The following IQCM variants were observed in gnomAD, a reference collection of about 807,000 sequenced individuals.
IQCM encodes the protein IQ domain-containing protein M.
IQCM carries 45 observed loss-of-function variants against 57.6 expected under a neutral mutation model. The observed-to-expected ratio is 0.78, with a 90% CI of 0.62 to 1.00. The LOEUF is 1.00. Ranked by LOEUF, IQCM falls within the 50% of genes least tolerant of loss-of-function variation. The pLI is 0.00. For synonymous variants in IQCM, 148 were observed against 158.9 expected, an observed-to-expected ratio of 0.93 and a Z score of 0.51; for missense variants, 468 against 511.6, an observed-to-expected ratio of 0.91 and a Z score of 0.82.
chr4:149,531,338 A>G (rs865795804), intron 12 of IQCM, among the ~76,000 whole-genome samples: 7 of 152,164 alleles, frequency 4.6e-5, no homozygotes, highest in Admixed American at 6.5e-5. Context: ...GTAACAAGAT[A>G]AACATTTGAG....
chr4:149,583,844 A>T (rs1752426179), intron 9 of IQCM, among the ~76,000 whole-genome samples: 1 of 151,544 alleles, frequency 6.6e-6, no homozygotes, highest in Non-Finnish European at 1.5e-5. Flanking sequence ...CCCTTTAGCT[A>T]ATAATATAAA....
intron 7 of IQCM, among the ~76,000 whole-genome samples, chr4:149,669,773 G>A (rs142708732): frequency 0.21 from 31,312 of 152,114 alleles, 4,046 homozygotes; most frequent in Non-Finnish European, 0.28. Flanking sequence ...GTTTGTCAAA[G>A]ATCAGACGGT....
At chr4:149,531,095 T>G (rs1579385890) in intron 12 of IQCM, among the ~76,000 whole-genome samples, 1 of 152,074 alleles carries the variant, frequency 6.6e-6, no homozygotes, top group African/African-American at 2.4e-5. Flanking sequence ...TGTGAAAAAG[T>G]TTTACTCAGG....
chr4:149,472,076 T>C (rs1258168483), intron 12 of IQCM, among the ~76,000 whole-genome samples: 1 of 152,150 alleles, frequency 6.6e-6, no homozygotes. Flanking sequence ...AGGGATGCCC[T>C]CTCTCACCAC....
At chr4:149,385,481 A>G (rs931642156) in intron 13 of IQCM, among the ~76,000 whole-genome samples, 2 of 152,080 alleles carry the variant, frequency 1.3e-5, no homozygotes, top group Admixed American at 1.3e-4. Context: ...GTGATAAGTA[A>G]GTTATGCCAC....
chr4:149,389,867 GA>G (rs751855477), intron 13 of IQCM, among the ~76,000 whole-genome samples: 20 of 150,610 alleles, frequency 1.3e-4, no homozygotes, highest in Admixed American at 4.6e-4. Flanking sequence ...AATAATAAAT[GA>G]AAAAAAAAGT....
Position 149,539,128 on chromosome 4 carries a change from C to A in IQCM, c.1228+9327G>T, listed in dbSNP as rs1465933924. 6.6e-5 allele frequency among the ~76,000 whole-genome samples: 10 copies of A among 151,942 alleles called. No homozygotes were observed. In the South Asian group the frequency reaches 2.1e-3, roughly 32 times the overall value. ...ATGAGATCTTCATAGTAACATTATT[C>A]ATAACAAAAAGGTGGAAACAACCCA... On this transcript the variant is annotated intron_variant, in intron 12 of 13. Coordinates refer to ENST00000636793, the MANE Select transcript of IQCM (RefSeq NM_001363507.2).
intron 5 of IQCM, among the ~76,000 whole-genome samples, chr4:149,697,022 C>T (rs552955469): frequency 6.6e-6 from 1 of 152,246 alleles, no homozygotes; most frequent in Non-Finnish European, 1.5e-5. Context: ...CTGGTCCATC[C>T]TAGAGAATAG....
chr4:149,450,107 G>GAA (rs905513560), intron 12 of IQCM, among the ~76,000 whole-genome samples: 1 of 151,786 alleles, frequency 6.6e-6, no homozygotes, highest in African/African-American at 2.4e-5. Context: ...ATATACTGGG[G>GAA]AAAAGACAAT....
intron 6 of IQCM, among the ~76,000 whole-genome samples, chr4:149,684,522 A>C (rs1264291492): frequency 6.6e-6 from 1 of 151,332 alleles, no homozygotes; most frequent in Non-Finnish European, 1.5e-5. Flanking sequence ...GAGTTTCATA[A>C]AGAGTTGGGT....
At chr4:149,684,261 T>G (rs1762398773) in intron 6 of IQCM, among the ~76,000 whole-genome samples, 1 of 151,258 alleles carries the variant, frequency 6.6e-6, no homozygotes, top group Non-Finnish European at 1.5e-5. Flanking sequence ...TTCAATTGTG[T>G]TTTCCCACCA....
intron 2 of IQCM, among the ~76,000 whole-genome samples, chr4:149,776,216 C>T (rs903500079): frequency 6.6e-6 from 1 of 152,056 alleles, no homozygotes; most frequent in Non-Finnish European, 1.5e-5. Context: ...AAAATTGGAA[C>T]ATATAATCAC....
intron 12 of IQCM, among the ~76,000 whole-genome samples, chr4:149,476,336 C>T (rs957912553): frequency 3.9e-5 from 6 of 152,154 alleles, no homozygotes; most frequent in Non-Finnish European, 5.9e-5. Flanking sequence ...AGTTTCCTTA[C>T]TTAAGTTTCC....
At chr4:149,391,110 T>C (rs964732334) in intron 13 of IQCM, among the ~76,000 whole-genome samples, 11 of 151,960 alleles carry the variant, frequency 7.2e-5, no homozygotes, top group Admixed American at 5.2e-4. Context: ...AATCCAACAA[T>C]GAAGCTTTCT....
At position 149,606,796 on chromosome 4, in the gene IQCM, A is replaced by G. The variant is rs551547060; in HGVS notation, c.681+14333T>C. ...CTGAAGAATGCACTAGAGTCCCTCAATGCAGAATTGCTCAAGCAGGACAAA... is the reference window on the plus strand; with the variant it reads ...CTGAAGAATGCACTAGAGTCCCTCAGTGCAGAATTGCTCAAGCAGGACAAA... On this transcript the variant is annotated intron_variant, in intron 8 of 13. Transcript: ENST00000636793. Among the ~76,000 whole-genome samples the G allele has an allele frequency of 3.9e-5, 6 of 152,324 alleles. No homozygotes were observed. In the South Asian group the frequency reaches 1.0e-3, roughly 26 times the overall value.
intron 5 of IQCM, among the ~76,000 whole-genome samples, chr4:149,703,283 CTAAAACTATAT>C (rs1294075017): frequency 6.6e-6 from 1 of 151,826 alleles, no homozygotes; most frequent in African/African-American, 2.4e-5. Context: ...CCCAAAGGTA[CTAAAACTATAT>C]CAAATGGGTT....
At chr4:149,555,279 A>G (rs1749469521) in intron 10 of IQCM, among the ~76,000 whole-genome samples, 1 of 152,176 alleles carries the variant, frequency 6.6e-6, no homozygotes, top group Non-Finnish European at 1.5e-5. Context: ...TTCCCTACAT[A>G]TGAATCTTAG....
In IQCM at chr4:149,668,718, A is replaced by C. The variant is rs974259569; in HGVS notation, c.565+13400T>G. On this transcript the variant is annotated intron_variant, in intron 7 of 13. Coordinates refer to ENST00000636793, the MANE Select transcript of IQCM (RefSeq NM_001363507.2). ...ATGCTGAAGTAAAATTAAATAACAA[A>C]TATTAGGACTTCAAAGAAAGTGTTT... Among the ~76,000 whole-genome samples the C allele has an allele frequency of 2.6e-5, 4 of 152,196 alleles. No individual in the cohort carries two copies. The South Asian group carries it at 8.3e-4, about 31-fold the overall frequency.
At chr4:149,406,103 T>C (rs1732962983) in intron 13 of IQCM, among the ~76,000 whole-genome samples, 1 of 151,842 alleles carries the variant, frequency 6.6e-6, no homozygotes, top group African/African-American at 2.4e-5. Context: ...AAGAACCAAG[T>C]TTGCTTCCTT....
Sources: gnomAD v4.1 joint callset for allele counts (sites outside exome capture counted in the v4.1 genomes callset) on GRCh38, gnomAD v4.1.1 for gene constraint, MANE v1.5 for transcripts, NCBI Gene and HGNC (gene_info 2026-07-23, HGNC 2026-07-21) for gene names.